Variants in ACTR3C observed in about 807,000 individuals in gnomAD.
The protein encoded by ACTR3C is actin-related protein 3C.
A neutral mutation model predicts 26.3 loss-of-function variants in ACTR3C; 18 were observed. The observed-to-expected ratio is 0.68, with a 90% CI of 0.47 to 1.01. The LOEUF (loss-of-function observed/expected upper bound fraction) is 1.01, where lower values mean the gene tolerates loss of function less well. Ranked by LOEUF, ACTR3C falls within the 50% of genes least tolerant of loss-of-function variation. The probability of loss-of-function intolerance (pLI) is 0.00; values close to 1 mark genes in which losing one functional copy is unlikely to be tolerated. For synonymous variants in ACTR3C, 55 were observed against 94.5 expected (o/e 0.58, Z 2.42); for missense variants, 184 against 250.7 (o/e 0.73, Z 1.80).
chr7:150,139,853 G>A, the ACTR3C span, among the ~76,000 whole-genome samples: 1 of 152,178 alleles, frequency 6.6e-6, no homozygotes, highest in Non-Finnish European at 1.5e-5. Flanking sequence ...CAAAGGAAAA[G>A]GTACTCATGT....
the ACTR3C span, among the ~76,000 whole-genome samples, chr7:149,996,062 C>G: frequency 1.3e-5 from 2 of 151,964 alleles, no homozygotes; most frequent in East Asian, 3.9e-4. Context: ...GGGTTAACTG[C>G]TGGCGTGGGG....
the ACTR3C span, among the ~76,000 whole-genome samples, chr7:149,908,412 T>C: frequency 6.6e-6 from 1 of 152,096 alleles, no homozygotes; most frequent in African/African-American, 2.4e-5. Flanking sequence ...ATCACATTCA[T>C]GGCCAGTTTT....
chr7:150,258,197 C>A (rs1833363551), intron 6 of ACTR3C, among the ~76,000 whole-genome samples: 1 of 149,446 alleles, frequency 6.7e-6, no homozygotes, highest in African/African-American at 2.5e-5. Flanking sequence ...AGTTGCCAGA[C>A]CTCAGCCAAA....
chr7:150,225,814 G>T, the ACTR3C span, among the ~76,000 whole-genome samples: 4 of 152,108 alleles, frequency 2.6e-5, no homozygotes, highest in Non-Finnish European at 5.9e-5. Flanking sequence ...TATCCACATT[G>T]TGTCATACAA....
chr7:150,150,004 G>A, the ACTR3C span, among the ~76,000 whole-genome samples: 4 of 152,250 alleles, frequency 2.6e-5, no homozygotes, highest in South Asian at 8.3e-4. Context: ...TTTGTACAAT[G>A]AAATGCACCT....
At chr7:150,094,174 C>A in the ACTR3C span, among the ~76,000 whole-genome samples, 1 of 150,452 alleles carries the variant, frequency 6.6e-6, no homozygotes, top group Non-Finnish European at 1.5e-5. Flanking sequence ...TTTGTTGAGC[C>A]CTTTTTGTGA....
the ACTR3C span, among the ~76,000 whole-genome samples, chr7:150,058,574 C>G: frequency 6.6e-6 from 1 of 152,154 alleles, no homozygotes; most frequent in African/African-American, 2.4e-5. Flanking sequence ...TGTCTTTGAA[C>G]ATAGTTGTGT....
chr7:149,985,225 C>CACACACACACAT, the ACTR3C span, among the ~76,000 whole-genome samples: 44 of 143,940 alleles, frequency 3.1e-4, no homozygotes, highest in African/African-American at 1.1e-3. Context: ...CACACACACA[C>CACACACACACAT]ACACACACAC....
At chr7:150,211,712 A>T in the ACTR3C span, among the ~76,000 whole-genome samples, 1 of 151,312 alleles carries the variant, frequency 6.6e-6, no homozygotes, top group African/African-American at 2.4e-5. Flanking sequence ...CTGACACATA[A>T]CAGGTGCCCC....
At chr7:150,169,634 C>T in the ACTR3C span, among the ~76,000 whole-genome samples, 1 of 150,634 alleles carries the variant, frequency 6.6e-6, no homozygotes, top group Non-Finnish European at 1.5e-5. Context: ...ACTGGAAATT[C>T]AGGCTGAGTC....
At chr7:150,201,486 G>A in the ACTR3C span, among the ~76,000 whole-genome samples, 113 of 152,018 alleles carry the variant, frequency 7.4e-4, 1 homozygote, top group Non-Finnish European at 2.4e-4. Flanking sequence ...AGTGGCTTAT[G>A]GCTATAATCC....
chr7:150,175,277 G>A, the ACTR3C span, among the ~76,000 whole-genome samples: 97,318 of 145,868 alleles, frequency 0.67, 33,865 homozygotes, highest in East Asian at 0.83. Context: ...TGGAGAGCAC[G>A]TGGGCAAACC....
At chr7:150,193,437 T>C in the ACTR3C span, among the ~76,000 whole-genome samples, 2 of 150,116 alleles carry the variant, frequency 1.3e-5, no homozygotes, top group Non-Finnish European at 3.0e-5. Flanking sequence ...TGTTGCCATC[T>C]TTATTATTTC....
chr7:150,045,033 G>A, the ACTR3C span: 1 of 152,252 alleles, frequency 6.6e-6, no homozygotes, highest in South Asian at 2.1e-4. Context: ...GGAAAGCCTC[G>A]GTTTGTCTTG....
the ACTR3C span, among the ~76,000 whole-genome samples, chr7:150,113,863 C>CT: frequency 6.6e-6 from 1 of 151,926 alleles, no homozygotes; most frequent in Non-Finnish European, 1.5e-5. Flanking sequence ...TAAGTAGCCT[C>CT]TTTTTTTTCC....
chr7:150,082,112 G>T, the ACTR3C span, among the ~76,000 whole-genome samples: 2 of 152,198 alleles, frequency 1.3e-5, no homozygotes, highest in Non-Finnish European at 2.9e-5. Context: ...GACAAGCTGG[G>T]TTGTGAGCTT....
chr7:150,016,230 T>C, the ACTR3C span, among the ~76,000 whole-genome samples: 1 of 152,112 alleles, frequency 6.6e-6, no homozygotes. Flanking sequence ...CAACACCCTC[T>C]TCCCTTGTCT....
At chr7:150,228,826 A>G in the ACTR3C span, among the ~76,000 whole-genome samples, 1 of 134,816 alleles carries the variant, frequency 7.4e-6, no homozygotes, top group Non-Finnish European at 1.6e-5. Context: ...ATGCAAACAT[A>G]TAATAATACA....
intron 1 of ACTR3C, chr7:150,302,841 C>G (rs1404458766): frequency 6.6e-6 from 1 of 152,002 alleles, no homozygotes; most frequent in Non-Finnish European, 1.5e-5. Context: ...GACAGACTTA[C>G]GGCAGCAAGA....
Sources: allele counts gnomAD v4.1 joint callset (sites outside exome capture counted in the v4.1 genomes callset), GRCh38; gene constraint gnomAD v4.1.1; transcripts MANE v1.5; gene names NCBI Gene and HGNC (gene_info 2026-07-23, HGNC 2026-07-21).